Variants in PALM2AKAP2 observed in about 807,000 individuals in gnomAD.
The protein encoded by PALM2AKAP2 is PALM2-AKAP2 fusion protein.
A neutral mutation model predicts 71.5 loss-of-function variants in PALM2AKAP2; 37 were observed. The ratio of observed to expected loss-of-function variants is 0.52; its 90% CI spans 0.40 to 0.68. The LOEUF (loss-of-function observed/expected upper bound fraction) is 0.68. Among genes scored for constraint, PALM2AKAP2 ranks in the 30% least tolerant of loss-of-function variants. The pLI, the probability that PALM2AKAP2 is intolerant of heterozygous loss-of-function variation, is 0.00. For synonymous variants in PALM2AKAP2, 468 were observed against 478.8 expected, an observed-to-expected ratio of 0.98 and a Z score of 0.29; for missense variants, 1,224 against 1,191.8, an observed-to-expected ratio of 1.03 and a Z score of -0.40.
chr9:110,047,510 T>A (rs909294016), upstream of PALM2AKAP2, among the ~76,000 whole-genome samples: 1 of 152,164 alleles, frequency 6.6e-6, no homozygotes, highest in Admixed American at 6.5e-5. Flanking sequence ...GTGTTTCACA[T>A]GTAAAATTGA....
chr9:109,860,323 A>G (rs929568952), intron 1 of PALM2AKAP2, among the ~76,000 whole-genome samples: 1 of 152,170 alleles, frequency 6.6e-6, no homozygotes, highest in Non-Finnish European at 1.5e-5. Context: ...TTATAACCCA[A>G]CCATGTCTGA....
intron 1 of PALM2AKAP2, among the ~76,000 whole-genome samples, chr9:110,049,609 TGGGGACACTCTG>T (rs1185738134): frequency 1.3e-5 from 2 of 151,912 alleles, no homozygotes; most frequent in Non-Finnish European, 2.9e-5. Flanking sequence ...GGGCCCTTCT[TGGGGACACTCTG>T]GGGTATGGGA....
chr9:109,958,024 A>G (rs1831781372), intron 6 of PALM2AKAP2, among the ~76,000 whole-genome samples: 1 of 152,110 alleles, frequency 6.6e-6, no homozygotes, highest in Non-Finnish European at 1.5e-5. Flanking sequence ...TCAATTCACC[A>G]AGCCTCAGTT....
intron 1 of PALM2AKAP2, among the ~76,000 whole-genome samples, chr9:109,657,938 T>TTGTGTGTGTG (rs35984840): frequency 0.013 from 1,861 of 142,510 alleles, 22 homozygotes; most frequent in Middle Eastern, 0.025. Context: ...TTGTGTGTGT[T>TTGTGTGTGTG]TGTGTGTGTG....
chr9:109,914,336 C>T (rs1393489902), intron 3 of PALM2AKAP2, among the ~76,000 whole-genome samples: 4 of 152,250 alleles, frequency 2.6e-5, no homozygotes, highest in African/African-American at 9.6e-5. Flanking sequence ...AGCACTTTCA[C>T]TTACATGCCT....
intron 1 of PALM2AKAP2, among the ~76,000 whole-genome samples, chr9:109,705,631 A>G (rs1408424100): frequency 6.6e-6 from 1 of 152,170 alleles, no homozygotes; most frequent in East Asian, 1.9e-4. Context: ...GCACCTCCCT[A>G]TGACTTACCA....
intron 6 of PALM2AKAP2, among the ~76,000 whole-genome samples, chr9:109,941,046 T>C (rs187844929): frequency 6.6e-6 from 1 of 152,252 alleles, no homozygotes; most frequent in Admixed American, 6.5e-5. Flanking sequence ...CTCTTTTCTC[T>C]TTCCTTCCCC....
At chr9:109,793,594 G>A (rs1475484327) in intron 1 of PALM2AKAP2, among the ~76,000 whole-genome samples, 1 of 152,154 alleles carries the variant, frequency 6.6e-6, no homozygotes, top group Non-Finnish European at 1.5e-5. Flanking sequence ...ATCACAAGGA[G>A]GCAAGGAGGA....
In PALM2AKAP2 at chr9:110,100,264, G is replaced by A. The variant is rs1015731713; in HGVS notation, c.157-35863G>A. On this transcript the variant is annotated intron_variant, in intron 1 of 3. Coordinates refer to ENST00000374525, the Ensembl canonical transcript of PALM2AKAP2. The stretch of plus-strand genomic sequence containing the variant: ...AAAAGGTGAAGGCTGCCTTGCTGCC[G>A]TCCTGGAAGATTGAGACAGTGGTAA... Among the ~76,000 whole-genome samples the A allele has an allele frequency of 4.6e-5, 7 of 151,996 alleles. No individual in the cohort carries two copies. The East Asian group carries it at 9.7e-4, about 21-fold the overall frequency.
chr9:109,933,043 G>A (rs1187676720), intron 6 of PALM2AKAP2, among the ~76,000 whole-genome samples: 1 of 152,192 alleles, frequency 6.6e-6, no homozygotes, highest in African/African-American at 2.4e-5. Context: ...CACGTCCACT[G>A]GCTAATTTAA....
intron 1 of PALM2AKAP2, among the ~76,000 whole-genome samples, chr9:109,795,176 AGC>A (rs1264789543): frequency 6.6e-6 from 1 of 152,206 alleles, no homozygotes; most frequent in Non-Finnish European, 1.5e-5. Context: ...AAATGCTAGT[AGC>A]ACACCCCACT....
At chr9:110,084,446 T>C (rs978994739) in intron 1 of PALM2AKAP2, among the ~76,000 whole-genome samples, 4 of 152,132 alleles carry the variant, frequency 2.6e-5, no homozygotes, top group Non-Finnish European at 5.9e-5. Flanking sequence ...GCAATGTAAA[T>C]TGTTACCAAA....
At chr9:110,058,898 G>GTT (rs202140304) in intron 1 of PALM2AKAP2, among the ~76,000 whole-genome samples, 8,007 of 111,648 alleles carry the variant, frequency 0.072, 1,001 homozygotes, top group African/African-American at 0.22. Flanking sequence ...AAGTTTTTTG[G>GTT]TTTTTTTTTT....
chr9:109,969,379 A>T (rs1832021533), intron 6 of PALM2AKAP2, among the ~76,000 whole-genome samples: 1 of 151,832 alleles, frequency 6.6e-6, no homozygotes, highest in Non-Finnish European at 1.5e-5. Context: ...TTTCTCATTC[A>T]CTCTGTCTCC....
intron 3 of PALM2AKAP2, among the ~76,000 whole-genome samples, chr9:110,158,149 T>C (rs1234873844): frequency 1.3e-5 from 2 of 152,230 alleles, no homozygotes; most frequent in African/African-American, 4.8e-5. Flanking sequence ...GCAGGATTTT[T>C]CCCTGGCTAC....
At chr9:109,717,073 G>A (rs1474300452) in intron 1 of PALM2AKAP2, among the ~76,000 whole-genome samples, 1 of 152,110 alleles carries the variant, frequency 6.6e-6, no homozygotes, top group Non-Finnish European at 1.5e-5. Context: ...TGGGAGAAAG[G>A]CTTGGCTCCC....
chr9:109,868,942 A>C (rs1829531590), intron 2 of PALM2AKAP2, among the ~76,000 whole-genome samples: 1 of 152,162 alleles, frequency 6.6e-6, no homozygotes, highest in South Asian at 2.1e-4. Flanking sequence ...AATAGAACTG[A>C]GTGAATTGTT....
intron 1 of PALM2AKAP2, among the ~76,000 whole-genome samples, chr9:109,713,190 T>C (rs1413680048): frequency 1.3e-5 from 2 of 152,212 alleles, no homozygotes; most frequent in Admixed American, 1.3e-4. Context: ...CAGGCATTTA[T>C]TGAATGCTCC....
At chr9:109,761,618 G>A (rs1476772835) in intron 1 of PALM2AKAP2, among the ~76,000 whole-genome samples, 1 of 152,182 alleles carries the variant, frequency 6.6e-6, no homozygotes, top group African/African-American at 2.4e-5. Flanking sequence ...AGTGGAACAT[G>A]CCGTGTTTGG....
Sources: gnomAD v4.1 joint callset for allele counts (sites outside exome capture counted in the v4.1 genomes callset) on GRCh38, gnomAD v4.1.1 for gene constraint, MANE v1.5 for transcripts, NCBI Gene and HGNC (gene_info 2026-07-23, HGNC 2026-07-21) for gene names.